The following NLGN4X variants were observed in gnomAD, a reference collection of about 807,000 sequenced individuals.
The protein encoded by NLGN4X is neuroligin 4 X-linked, also known as neuroligin-4, X-linked.
Under a neutral mutation model 40.3 loss-of-function variants are expected in NLGN4X, and 3 were observed. That is an observed-to-expected ratio of 0.07 (90% confidence interval 0.03 to 0.19). The LOEUF (loss-of-function observed/expected upper bound fraction) is 0.19. Ranked by LOEUF, NLGN4X falls within the 10% of genes least tolerant of loss-of-function variation. The pLI is 1.00. For missense variants in NLGN4X, 382 were observed against 708.3 expected, an observed-to-expected ratio of 0.54 and a Z score of 5.23; for synonymous variants, 270 against 306.8, an observed-to-expected ratio of 0.88 and a Z score of 1.25.
At chrX:5,970,003 T>C (rs1389936404) in intron 3 of NLGN4X, among the ~76,000 whole-genome samples, 1 of 76,539 alleles carries the variant, frequency 1.3e-5, no homozygotes, top group South Asian at 1.0e-3. Flanking sequence ...AATGGGAACA[T>C]CACACACCGG....
rs189844278 is a variant in NLGN4X, at chrX:6,090,395, C to T, written c.472+60600G>A. Among the ~76,000 whole-genome samples, 701 of 111,225 alleles carry T rather than the reference C, an allele frequency of 6.3e-3. 10 individuals are homozygous for T. Among genetic ancestry groups the T allele is most frequent in the African/African-American group, 0.022 (667 of 30,697 alleles). ...AGATAATCAGAATGCTATACCTTTACCTTAATATTCACTTTTGCTCTCGTT... is the reference window on the plus strand; with the variant it reads ...AGATAATCAGAATGCTATACCTTTATCTTAATATTCACTTTTGCTCTCGTT... On this transcript the variant is annotated intron_variant, in intron 2 of 5. Coordinates refer to ENST00000381095, the MANE Select transcript of NLGN4X (RefSeq NM_181332.3).
chrX:5,890,484 C>T lies in NLGN4X; in HGVS notation c.*2333G>A. On this transcript the variant is annotated 3_prime_UTR_variant, in exon 6 of 6. Transcript: ENST00000381095. ...GACGCGTTACTGTACATATTGCTAG[C>T]AGGAGACAACTGGAAATACTAAACA... is the stretch of plus-strand genomic sequence containing the variant. 2 of 292,940 alleles carry T rather than the reference C, an allele frequency of 6.8e-6. No individual in the cohort carries two copies. The highest frequency in any genetic ancestry group is 1.3e-5 in the Non-Finnish European group (2 of 154,183). 24.1% of individuals were successfully genotyped at this position (292,940 alleles called of 1,213,427 possible).
At chrX:6,058,680 A>G (rs1391379491) in intron 2 of NLGN4X, among the ~76,000 whole-genome samples, 1 of 112,272 alleles carries the variant, frequency 8.9e-6, no homozygotes, top group Non-Finnish European at 1.9e-5. Flanking sequence ...TTGGTACATT[A>G]GAGTTTTCCC....
intron 3 of NLGN4X, among the ~76,000 whole-genome samples, chrX:6,022,724 G>C (rs2036588107): frequency 9.0e-6 from 1 of 111,525 alleles, no homozygotes; most frequent in Admixed American, 9.6e-5. Flanking sequence ...TATCACAAAA[G>C]CATAAAGGTG....
At chrX:5,963,369 G>C (rs373825422) in intron 3 of NLGN4X, among the ~76,000 whole-genome samples, 10 of 111,948 alleles carry the variant, frequency 8.9e-5, no homozygotes, top group African/African-American at 3.3e-4. Flanking sequence ...CTGTGTTCAT[G>C]TTTTAGTAAT....
At chrX:5,948,026 T>A (rs1402289146) in intron 3 of NLGN4X, among the ~76,000 whole-genome samples, 1 of 111,194 alleles carries the variant, frequency 9.0e-6, no homozygotes, top group East Asian at 2.8e-4. Context: ...ATTTAAAGGG[T>A]CATTGCCAAC....
At chrX:6,140,485 C>CACACAT (rs2039925650) in intron 2 of NLGN4X, among the ~76,000 whole-genome samples, 1 of 101,551 alleles carries the variant, frequency 9.8e-6, no homozygotes, top group African/African-American at 3.6e-5. Context: ...CACACACACA[C>CACACAT]ACACACACAC....
chrX:5,976,721 G>C (rs1452568183), intron 3 of NLGN4X, among the ~76,000 whole-genome samples: 3 of 112,731 alleles, frequency 2.7e-5, no homozygotes, highest in Non-Finnish European at 5.6e-5. Context: ...ACATCAGTGT[G>C]TTTACACTAC....
At chrX:6,180,991 T>C (rs1921381849) in intron 1 of NLGN4X, among the ~76,000 whole-genome samples, 1 of 111,530 alleles carries the variant, frequency 9.0e-6, no homozygotes, top group Non-Finnish European at 1.9e-5. Context: ...AAACCAATAT[T>C]GCATTCGGAG....
At chrX:6,213,544 C>T (rs770498062) in intron 1 of NLGN4X, among the ~76,000 whole-genome samples, 1 of 112,256 alleles carries the variant, frequency 8.9e-6, no homozygotes, top group Admixed American at 9.4e-5. Flanking sequence ...ATGCGATATG[C>T]GTGTGGAGTT....
intron 3 of NLGN4X, among the ~76,000 whole-genome samples, chrX:6,003,650 G>C: frequency 8.9e-6 from 1 of 111,885 alleles, no homozygotes; most frequent in African/African-American, 3.3e-5. Flanking sequence ...GGAAAAGTCA[G>C]CCTAATACAG....
At chrX:6,016,154 A>C (rs1259717529) in intron 3 of NLGN4X, among the ~76,000 whole-genome samples, 1 of 112,559 alleles carries the variant, frequency 8.9e-6, no homozygotes, top group African/African-American at 3.2e-5. Context: ...GTTCAACATC[A>C]TTAGTCATCA....
At chrX:5,919,902 A>T (rs926938537) in intron 3 of NLGN4X, among the ~76,000 whole-genome samples, 1 of 111,924 alleles carries the variant, frequency 8.9e-6, no homozygotes, top group Non-Finnish European at 1.9e-5. Context: ...ATTCTCTGCT[A>T]TATTAGTTGT....
chrX:6,222,217 TG>T (rs1925776687), intron 1 of NLGN4X, among the ~76,000 whole-genome samples: 1 of 110,809 alleles, frequency 9.0e-6, no homozygotes, highest in Non-Finnish European at 1.9e-5. Context: ...AAAATGAGCC[TG>T]GATGAAGGGT....
At chrX:5,939,900 A>G (rs1337754106) in intron 3 of NLGN4X, among the ~76,000 whole-genome samples, 1 of 111,746 alleles carries the variant, frequency 8.9e-6, no homozygotes, top group Non-Finnish European at 1.9e-5. Flanking sequence ...CGTAGATGTT[A>G]ATTTTTTAAA....
At chrX:6,001,930 C>A (rs1469518434) in intron 3 of NLGN4X, among the ~76,000 whole-genome samples, 2 of 111,680 alleles carry the variant, frequency 1.8e-5, no homozygotes, top group African/African-American at 6.5e-5. Context: ...ACAACATGAG[C>A]ACTTGCCACT....
At chrX:5,916,527 AC>A (rs1277467611) in intron 3 of NLGN4X, among the ~76,000 whole-genome samples, 1 of 111,157 alleles carries the variant, frequency 9.0e-6, no homozygotes, top group Non-Finnish European at 1.9e-5. Context: ...TCAGCTCACT[AC>A]AACCTCTGCC....
intron 3 of NLGN4X, among the ~76,000 whole-genome samples, chrX:5,974,262 C>T (rs2035110602): frequency 8.9e-6 from 1 of 112,048 alleles, no homozygotes; most frequent in African/African-American, 3.2e-5. Context: ...AAAACAAACG[C>T]TTCACTGAAA....
At chrX:6,128,829 A>T (rs1274913033) in intron 2 of NLGN4X, among the ~76,000 whole-genome samples, 1 of 112,440 alleles carries the variant, frequency 8.9e-6, no homozygotes, top group Non-Finnish European at 1.9e-5. Flanking sequence ...AATATTTTTT[A>T]ATTTTTTTTT....
Sources: allele counts gnomAD v4.1 joint callset (sites outside exome capture counted in the v4.1 genomes callset), GRCh38; gene constraint gnomAD v4.1.1; transcripts MANE v1.5; gene names NCBI Gene and HGNC (gene_info 2026-07-23, HGNC 2026-07-21).